LRRC47: variants seen among roughly 807,000 people sequenced by gnomAD.
The protein encoded by LRRC47 is leucine rich repeat containing 47, also known as leucine-rich repeat-containing protein 47.
Under a neutral mutation model 40.9 loss-of-function variants are expected in LRRC47, and 31 were observed. The ratio of observed to expected loss-of-function variants is 0.76; its 90% CI spans 0.57 to 1.02. The LOEUF is 1.02. Among genes scored for constraint, LRRC47 ranks in the 50% least tolerant of loss-of-function variants. The pLI, the probability that LRRC47 is intolerant of heterozygous loss-of-function variation, is 0.00. For synonymous variants in LRRC47, 427 were observed against 371.9 expected (o/e 1.15, Z -1.70); for missense variants, 726 against 796.1 (o/e 0.91, Z 1.06).
intron 1 of LRRC47, among the ~76,000 whole-genome samples, chr1:3,789,420 C>T (rs1643607062): frequency 6.6e-6 from 1 of 152,276 alleles, no homozygotes; most frequent in Non-Finnish European, 1.5e-5. Flanking sequence ...TTTCTGCCTG[C>T]AAACACGCAG....
rs528383950 is a variant in LRRC47 at position 3,796,087 on chromosome 1, C to G, written c.390G>C (p.Gln130His). 1 of 1,491,618 alleles carries G rather than the reference C, an allele frequency of 6.7e-7. No homozygotes were observed. The highest frequency in any genetic ancestry group is 8.9e-7 in the Non-Finnish European group (1 of 1,127,764). 92.4% of individuals were successfully genotyped at this position (1,491,618 alleles called of 1,614,324 possible). A position where few individuals can be genotyped will look rare whatever the true frequency, so the allele number is the denominator to read the frequency against. Residue 130 changes from glutamine to histidine, a missense_variant, in exon 1 of 7, where the codon CAG becomes CAC. Coordinates refer to ENST00000378251, the MANE Select transcript of LRRC47 (RefSeq NM_020710.3). ...LGPAEPPGLPQLQSLNLSGNR... is the reference protein window; with the variant it reads ...LGPAEPPGLPHLQSLNLSGNR... ...TGCCGCTGAGGTTGAGGCTCTGCAG[C>G]TGCGGAAGGCCCGGCGGCTCGGCGG... is the stretch of plus-strand genomic sequence containing the variant.
In LRRC47 at chr1:3,784,102, A is replaced by C; in HGVS notation, c.1204T>G (p.Leu402Val). 1 of 1,610,732 alleles carries C rather than the reference A, an allele frequency of 6.2e-7. No homozygotes were observed. Among genetic ancestry groups the C allele is most frequent in the East Asian group, 2.2e-5 (1 of 44,682 alleles). The part of the protein sequence containing the change: ...RPPQDLKIVP[L>V]GRKEAKAKEL... ...TTGGCCTTGGCTTCTTTCCGCCCCA[A>C]GGGGACAATCTATCGGGCAGAAACC... The change falls in exon 4 of 7, where the codon TTG becomes GTG. Residue 402 changes from leucine to valine, a missense_variant. By Grantham distance (32) the Leu-to-Val change is conservative (BLOSUM62 1). Coordinates refer to ENST00000378251, the MANE Select transcript of LRRC47 (RefSeq NM_020710.3).
intron 3 of LRRC47, 39 bp from the exon 4 acceptor site, chr1:3,784,150 G>C: frequency 6.5e-7 from 1 of 1,538,708 alleles, no homozygotes; most frequent in Non-Finnish European, 8.9e-7. Flanking sequence ...TAGGGTCACA[G>C]CCACAGAACT....
At chr1:3,785,943 C>T (rs1553156377) in intron 2 of LRRC47, among the ~76,000 whole-genome samples, 1 of 150,454 alleles carries the variant, frequency 6.6e-6, no homozygotes, top group Non-Finnish European at 1.5e-5. Context: ...AATCTTGGCT[C>T]ACTGCAACCT....
At chr1:3,783,974 C>T in intron 4 of LRRC47, 22 bp downstream of exon 4, 2 of 1,587,936 alleles carry the variant, frequency 1.3e-6, no homozygotes, top group South Asian at 1.1e-5. Context: ...CCCGGCCCCA[C>T]CCCACCAGGC....
At position 3,785,154 on chromosome 1, in the gene LRRC47, G is replaced by T; in HGVS notation, c.1127C>A (p.Ala376Asp). The change falls in exon 3 of 7, where the codon GCC (alanine) becomes GAC (aspartate). Residue 376 changes from alanine (A) to aspartate (D), a missense_variant. Physicochemically the swap from Ala to Asp is moderately radical, Grantham distance 126 (BLOSUM62 -2). Coordinates refer to ENST00000378251, the MANE Select transcript of LRRC47 (RefSeq NM_020710.3). ...LCEKRTAATLATHELRAVKGP... is the reference protein window; with the variant it reads ...LCEKRTAATLDTHELRAVKGP... ...TTTGACGGCACGGAGCTCGTGGGTGGCAAGGGTGGCAGCCGTCCTCTTCTC... is the reference window on the plus strand; with the variant it reads ...TTTGACGGCACGGAGCTCGTGGGTGTCAAGGGTGGCAGCCGTCCTCTTCTC... 1 of 1,598,184 alleles carries T rather than the reference G, an allele frequency of 6.3e-7. No homozygotes were observed. Among genetic ancestry groups the T allele is most frequent in the Non-Finnish European group, 8.5e-7 (1 of 1,173,008 alleles).
chr1:3,796,423 G>T lies in LRRC47; in HGVS notation c.54C>A (p.Arg18=). 1 of 1,518,228 alleles carries T rather than the reference G, an allele frequency of 6.6e-7. No individual in the cohort carries two copies. Among genetic ancestry groups the T allele is most frequent in the South Asian group, 1.2e-5 (1 of 82,892 alleles). 94.0% of individuals were successfully genotyped at this position (1,518,228 alleles called of 1,614,324 possible). A position where few individuals can be genotyped will look rare whatever the true frequency, so the allele number is the denominator to read the frequency against. ...ESWPELELAE[R]ERRRELLLTG... is the part of the protein sequence containing the mutation. ...TCAGCAGCAGCTCCCGCCGCCGCTC[G>T]CGCTCAGCCAGCTCCAGCTCCGGCC... Residue 18 remains arginine, a synonymous_variant, in exon 1 of 7, where the codon CGC becomes CGA. Transcript: ENST00000378251.
In LRRC47 at chr1:3,780,035, CATG is replaced by C. The variant is rs1223122361; in HGVS notation, c.*1050_*1052del. ...TTGCACATGCCAAGCTGCATCCTGG[CATG>C]ATATGGTTTTACAAGATGCTGCGTC... On this transcript the variant is annotated 3_prime_UTR_variant, in exon 7 of 7. Transcript: ENST00000378251. 2 of 152,192 alleles carry C rather than the reference CATG, an allele frequency of 1.3e-5. No homozygotes were observed. Among genetic ancestry groups the C allele is most frequent in the Non-Finnish European group, 1.5e-5 (1 of 68,036 alleles). The allele number at this position is 152,192 out of a possible 1,614,324, so 9.4% of individuals were successfully genotyped here.
rs774449092 is a variant in LRRC47, at chr1:3,781,151, C to T, written c.1689G>A (p.Lys563=). 2.4e-5 allele frequency: 38 copies of T among 1,614,046 alleles called. 2 individuals are homozygous for T. The South Asian group carries it at 4.2e-4, about 18-fold the overall frequency. Residue 563 remains lysine (K), a synonymous_variant, in exon 7 of 7, where the codon AAG becomes AAA. Coordinates refer to ENST00000378251, the MANE Select transcript of LRRC47 (RefSeq NM_020710.3). ...GGTCGGCCTTGGACGGGTACACCAC[C>T]TTCAGGCTCCCTTCCAGATCCACCA... ...VRVVDLEGSL[K]VVYPSKADLA... is the part of the protein sequence containing the mutation.
rs550705768 is a variant in LRRC47, at chr1:3,792,081, T to G, written c.615+3781A>C. ...CCTTCTGTTTCTGAGCTCAGTTTTC[T>G]GGTTTTCTACACTCCCCATCTCCCC... On this transcript the variant is annotated intron_variant, in intron 1 of 6. Coordinates refer to ENST00000378251, the MANE Select transcript of LRRC47 (RefSeq NM_020710.3). Among the ~76,000 whole-genome samples, 30 of 152,324 alleles carry G rather than the reference T, an allele frequency of 2.0e-4. No individual in the cohort carries two copies. The South Asian group carries it at 5.6e-3, about 28-fold the overall frequency.
intron 2 of LRRC47, among the ~76,000 whole-genome samples, chr1:3,786,025 A>G (rs1484752614): frequency 6.6e-6 from 1 of 152,074 alleles, no homozygotes; most frequent in Non-Finnish European, 1.5e-5. Flanking sequence ...GCTCACCACC[A>G]CGCCTGGCTA....
At chr1:3,790,577 G>A (rs936891198) in intron 1 of LRRC47, among the ~76,000 whole-genome samples, 4 of 152,200 alleles carry the variant, frequency 2.6e-5, no homozygotes, top group African/African-American at 9.6e-5. Flanking sequence ...AGCCCCACGG[G>A]CCACAGCAGC....
At chr1:3,781,371 G>A (rs759953617) in intron 6 of LRRC47, 35 bp from the exon 7 acceptor site, 13 of 1,603,048 alleles carry the variant, frequency 8.1e-6, no homozygotes, top group Admixed American at 3.4e-5. Context: ...ACCTGGAGAT[G>A]AGAGGTGACC....
chr1:3,795,812 A>G, intron 1 of LRRC47, 50 bp downstream of exon 1: 2 of 1,479,134 alleles, frequency 1.4e-6, no homozygotes, highest in Non-Finnish European at 1.8e-6. Flanking sequence ...TTCCTTCTCC[A>G]GGGCTACTCC....
chr1:3,780,972 C>CT lies in LRRC47; in HGVS notation c.*115dup. On this transcript the variant is annotated 3_prime_UTR_variant, in exon 7 of 7. Transcript: ENST00000378251. ...GCCTGGCGACAGAGCGAGACTCCAT[C>CT]TCAAAAAAAAAAACCAACAAAAAAA... The CT allele has an allele frequency of 1.4e-6, 2 of 1,452,180 alleles. No homozygotes were observed. Among genetic ancestry groups the CT allele is most frequent in the Non-Finnish European group, 1.9e-6 (2 of 1,080,980 alleles). 90.0% of individuals were successfully genotyped at this position (1,452,180 alleles called of 1,614,324 possible). A position where few individuals can be genotyped will look rare whatever the true frequency, so the allele number is the denominator to read the frequency against.
intron 3 of LRRC47, among the ~76,000 whole-genome samples, chr1:3,784,627 G>A (rs569286959): frequency 2.6e-5 from 4 of 152,350 alleles, no homozygotes; most frequent in East Asian, 3.9e-4. Context: ...GCTGTGCACC[G>A]CTTCGAGTAA....
Position 3,781,196 on chromosome 1 carries a change from C to G in LRRC47, c.1644G>C (p.Leu548=). 6.2e-7 allele frequency: 1 copy of G among 1,614,158 alleles called. No individual in the cohort carries two copies. Among genetic ancestry groups the G allele is most frequent in the South Asian group, 1.1e-5 (1 of 91,086 alleles). Residue 548 remains leucine (L), a synonymous_variant, in exon 7 of 7, where the codon CTG becomes CTC. Coordinates refer to ENST00000378251, the MANE Select transcript of LRRC47 (RefSeq NM_020710.3). The part of the protein sequence containing the change: ...PSAGKDGPSL[L]VVEQVRVVDL... Reference sequence around the variant, plus strand: ...CCACCACCCGGACCTGCTCCACCACCAGAAGGGAGGGCCCGTCCTTTCCAG... The same window carrying G: ...CCACCACCCGGACCTGCTCCACCACGAGAAGGGAGGGCCCGTCCTTTCCAG...
In LRRC47 at chr1:3,781,028, A is replaced by T; in HGVS notation, c.*60T>A. ...GTGAAAATCTAACGGATAATTCAGCATTGCCGCATAGAAACCTCCGCAAAA... is the reference window on the plus strand; with the variant it reads ...GTGAAAATCTAACGGATAATTCAGCTTTGCCGCATAGAAACCTCCGCAAAA... On this transcript the variant is annotated 3_prime_UTR_variant, in exon 7 of 7. Coordinates refer to ENST00000378251, the MANE Select transcript of LRRC47 (RefSeq NM_020710.3). 1 of 1,574,660 alleles carries T rather than the reference A, an allele frequency of 6.4e-7. No homozygotes were observed. Among genetic ancestry groups the T allele is most frequent in the African/African-American group, 1.4e-5 (1 of 73,506 alleles).
chr1:3,781,220 A>T lies in LRRC47; in HGVS notation c.1620T>A (p.Ala540=), dbSNP rs1471371579. The change falls in exon 7 of 7, where the codon GCT becomes GCA. Residue 540 remains alanine, a synonymous_variant. Transcript: ENST00000378251. ...CCAGAAGGGAGGGCCCGTCCTTTCC[A>T]GCACTGGGATTCGTTGTGGGATCTG... is the stretch of plus-strand genomic sequence containing the variant. ...QLPDPTTNPS[A]GKDGPSLLVV... The T allele has an allele frequency of 6.2e-7, 1 of 1,614,218 alleles. No homozygotes were observed. Among genetic ancestry groups the T allele is most frequent in the South Asian group, 1.1e-5 (1 of 91,092 alleles).
Sources: gnomAD v4.1 joint callset for allele counts (sites outside exome capture counted in the v4.1 genomes callset) on GRCh38, gnomAD v4.1.1 for gene constraint, MANE v1.5 for transcripts, NCBI Gene and HGNC (gene_info 2026-07-23, HGNC 2026-07-21) for gene names.